The following GPHN variants were observed in gnomAD, a reference collection of about 807,000 sequenced individuals.
GPHN encodes the protein gephyrin.
A neutral mutation model predicts 95.5 loss-of-function variants in GPHN; 17 were observed. The observed-to-expected ratio is 0.18, with a 90% CI of 0.12 to 0.27. The LOEUF (loss-of-function observed/expected upper bound fraction) is 0.27, where lower values mean the gene tolerates loss of function less well. Among genes scored for constraint, GPHN ranks in the 10% least tolerant of loss-of-function variants. The pLI is 1.00. For missense variants in GPHN, 660 were observed against 978.1 expected (o/e 0.67, Z 4.34); for synonymous variants, 320 against 322.5 (o/e 0.99, Z 0.08).
intron 4 of GPHN, among the ~76,000 whole-genome samples, chr14:66,875,238 A>G (rs1202028067): frequency 6.6e-6 from 1 of 152,212 alleles, no homozygotes; most frequent in Non-Finnish European, 1.5e-5. Flanking sequence ...GGCCTGCCTT[A>G]CAAGAGCTCC....
chr14:66,533,295 A>G (rs1414763735), intron 1 of GPHN, among the ~76,000 whole-genome samples: 3 of 152,170 alleles, frequency 2.0e-5, no homozygotes, highest in Admixed American at 6.5e-5. Flanking sequence ...AGTATCTGCT[A>G]TCTTACTTTG....
At chr14:66,668,734 C>G (rs1328672642) in intron 1 of GPHN, among the ~76,000 whole-genome samples, 1 of 152,156 alleles carries the variant, frequency 6.6e-6, no homozygotes, top group Non-Finnish European at 1.5e-5. Context: ...ACCCCCATGA[C>G]ACACGTTTAC....
At chr14:66,827,577 TAA>T (rs2061429914) in intron 4 of GPHN, among the ~76,000 whole-genome samples, 1 of 152,158 alleles carries the variant, frequency 6.6e-6, no homozygotes, top group Admixed American at 6.5e-5. Context: ...AGTTAATTTA[TAA>T]GAGTTAATTT....
chr14:66,903,385 T>C (rs2065213457), intron 5 of GPHN, among the ~76,000 whole-genome samples: 1 of 152,112 alleles, frequency 6.6e-6, no homozygotes, highest in African/African-American at 2.4e-5. Context: ...TTTACAGTTA[T>C]GGCTACAGTT....
At chr14:67,414,997 C>T in the GPHN span, among the ~76,000 whole-genome samples, 167 of 152,334 alleles carry the variant, frequency 1.1e-3, no homozygotes, top group Non-Finnish European at 1.7e-3. Flanking sequence ...CAGGGCAATG[C>T]CCCCAGCAGC....
chr14:66,828,157 C>T (rs1182027937), intron 4 of GPHN, among the ~76,000 whole-genome samples: 3 of 151,672 alleles, frequency 2.0e-5, no homozygotes, highest in African/African-American at 7.3e-5. Flanking sequence ...TATATAAATA[C>T]ATATGATATG....
chr14:66,816,201 A>G (rs1286757808), intron 3 of GPHN, among the ~76,000 whole-genome samples: 1 of 152,184 alleles, frequency 6.6e-6, no homozygotes, highest in Admixed American at 6.5e-5. Flanking sequence ...CTCCCACACA[A>G]TAATAGTGGT....
intron 2 of GPHN, among the ~76,000 whole-genome samples, chr14:66,764,524 G>A (rs1595829175): frequency 2.0e-5 from 3 of 151,874 alleles, no homozygotes; most frequent in Admixed American, 6.6e-5. Flanking sequence ...CAACAAATAC[G>A]TGCCAGGTCA....
chr14:67,242,208 G>C, the GPHN span, among the ~76,000 whole-genome samples: 1 of 152,178 alleles, frequency 6.6e-6, no homozygotes, highest in South Asian at 2.1e-4. Context: ...CTCACCTTCT[G>C]TTGATTGACA....
At chr14:67,701,582 C>T in the GPHN span, among the ~76,000 whole-genome samples, 1 of 151,948 alleles carries the variant, frequency 6.6e-6, no homozygotes, top group African/African-American at 2.4e-5. Context: ...CGCCACCATA[C>T]CTGGCTACTT....
chr14:66,802,714 T>A (rs914505719), intron 3 of GPHN, among the ~76,000 whole-genome samples: 4 of 152,132 alleles, frequency 2.6e-5, no homozygotes, highest in African/African-American at 9.7e-5. Flanking sequence ...AGGCTGTGGG[T>A]TCCCTTCTGG....
intron 1 of GPHN, among the ~76,000 whole-genome samples, chr14:66,571,628 T>G (rs183027467): frequency 3.4e-4 from 51 of 152,204 alleles, no homozygotes; most frequent in African/African-American, 1.2e-3. Context: ...CTGGCCAACA[T>G]GGTGAAACCG....
intron 4 of GPHN, among the ~76,000 whole-genome samples, chr14:66,851,425 G>A (rs1461660648): frequency 6.6e-6 from 1 of 151,690 alleles, no homozygotes; most frequent in Non-Finnish European, 1.5e-5. Context: ...ACCGAACTTT[G>A]TATAAGTGGA....
At chr14:67,704,916 G>T in the GPHN span, among the ~76,000 whole-genome samples, 1,293 of 152,280 alleles carry the variant, frequency 8.5e-3, 9 homozygotes, top group Admixed American at 0.018. Context: ...CACTCAGCAG[G>T]GGCATCTAAG....
chr14:67,169,843 G>A (rs1179903996), intron 21 of GPHN, among the ~76,000 whole-genome samples: 2 of 152,214 alleles, frequency 1.3e-5, no homozygotes, highest in Non-Finnish European at 1.5e-5. Context: ...TCGGGAGGCC[G>A]AGGCAGGTGG....
At chr14:67,241,778 CT>C in the GPHN span, 1 of 151,964 alleles carries the variant, frequency 6.6e-6, no homozygotes, top group African/African-American at 2.4e-5. Context: ...GCTCCTTCTG[CT>C]TGGCTGGGCA....
chr14:66,766,551 T>G (rs1378893870), intron 2 of GPHN, among the ~76,000 whole-genome samples: 1 of 151,408 alleles, frequency 6.6e-6, no homozygotes, highest in Non-Finnish European at 1.5e-5. Context: ...CACAGAAAAA[T>G]GAAAGGTAAA....
At chr14:67,611,336 C>T in the GPHN span, 1 of 152,134 alleles carries the variant, frequency 6.6e-6, no homozygotes, top group Non-Finnish European at 1.5e-5. Context: ...TCTCGGCTTA[C>T]TGCAACCTCC....
chr14:67,431,391 CAAAAAAAAAAAAAAAAAA>C, the GPHN span, among the ~76,000 whole-genome samples: 2 of 77,470 alleles, frequency 2.6e-5, no homozygotes, highest in Non-Finnish European at 5.5e-5. Context: ...GACTCTGTCT[CAAAAAAAAAAAAAAAAAA>C]AAAAAAAAAA....
Sources: allele counts gnomAD v4.1 joint callset (sites outside exome capture counted in the v4.1 genomes callset), GRCh38; gene constraint gnomAD v4.1.1; transcripts MANE v1.5; gene names NCBI Gene and HGNC (gene_info 2026-07-23, HGNC 2026-07-21).